Variants in GDA observed in about 807,000 individuals in gnomAD.
The protein encoded by GDA is guanine deaminase, also known as cytoplasmic PSD-95 interactor.
GDA carries 18 observed loss-of-function variants against 59.6 expected under a neutral mutation model. The observed-to-expected ratio is 0.30, with a 90% CI of 0.21 to 0.45. GDA has a LOEUF of 0.45. GDA is among the 20% of genes least tolerant of loss of function. The pLI is 1.00. For missense variants in GDA, 427 were observed against 552.3 expected, an observed-to-expected ratio of 0.77 and a Z score of 2.27; for synonymous variants, 201 against 201.1, an observed-to-expected ratio of 1.00 and a Z score of 0.00.
chr9:72,256,393 A>G (rs1489147424), downstream of GDA, among the ~76,000 whole-genome samples: 2 of 152,208 alleles, frequency 1.3e-5, no homozygotes, highest in African/African-American at 4.8e-5. Flanking sequence ...GGGAGGTGAG[A>G]GGAAACACAT....
Position 72,154,841 on chromosome 9 carries a change from C to T in GDA, c.123+5159C>T, listed in dbSNP as rs148479410. ...ACCTCAAAGAATCTGCACTTTGGCA[C>T]GGGAGCTAAGACTTGTAGCTGTAAT... On this transcript the variant is annotated intron_variant, in intron 1 of 13. Coordinates refer to ENST00000358399, the MANE Select transcript of GDA (RefSeq NM_004293.5). Among the ~76,000 whole-genome samples, 1,444 of 152,232 alleles carry T rather than the reference C, an allele frequency of 9.5e-3. 18 individuals carry two copies. The highest frequency in any genetic ancestry group is 0.012 in the Non-Finnish European group (799 of 68,008).
intron 3 of GDA, among the ~76,000 whole-genome samples, chr9:72,206,342 G>A (rs975595852): frequency 6.6e-6 from 1 of 151,480 alleles, no homozygotes; most frequent in African/African-American, 2.4e-5. Flanking sequence ...TACGTCCTAT[G>A]TTATATCATC....
rs955633328 is a variant in GDA, at chr9:72,243,992, G to A, written c.1136-1156G>A. Among the ~76,000 whole-genome samples the A allele has an allele frequency of 5.3e-5, 8 of 152,084 alleles. 1 individual carries two copies. Among genetic ancestry groups the A allele is most frequent in the Admixed American group, 2.0e-4 (3 of 15,256 alleles). Reference sequence around the variant, plus strand: ...AGATCGAGACCATCCTGGCTAACACGGTGAAACCCCATCTCTACTAAAAAT... The same window carrying A: ...AGATCGAGACCATCCTGGCTAACACAGTGAAACCCCATCTCTACTAAAAAT... On this transcript the variant is annotated intron_variant, in intron 11 of 13. Coordinates refer to ENST00000358399, the MANE Select transcript of GDA (RefSeq NM_004293.5).
At chr9:72,143,774 G>C (rs577397556) in intron 1 of GDA, among the ~76,000 whole-genome samples, 1 of 152,194 alleles carries the variant, frequency 6.6e-6, no homozygotes, top group African/African-American at 2.4e-5. Context: ...ACTATCTTTT[G>C]TCTTTTCTAT....
chr9:72,142,625 C>T (rs1031215196), intron 1 of GDA, among the ~76,000 whole-genome samples: 3 of 151,882 alleles, frequency 2.0e-5, no homozygotes, highest in African/African-American at 7.3e-5. Context: ...TTTCATCTTG[C>T]AGATGAAGAA....
At chr9:72,219,296 G>A (rs1204164837) in intron 5 of GDA, among the ~76,000 whole-genome samples, 183 bp from the exon 6 acceptor site, 1 of 151,922 alleles carries the variant, frequency 6.6e-6, no homozygotes, top group Admixed American at 6.6e-5. Flanking sequence ...CCAGCTACTC[G>A]GGAGGCTGAG....
chr9:72,253,688 C>T (rs1049260579), downstream of GDA: 7 of 152,114 alleles, frequency 4.6e-5, no homozygotes, highest in African/African-American at 1.4e-4. Context: ...TCCTAAAGAT[C>T]AATTTAGTAT....
intron 1 of GDA, among the ~76,000 whole-genome samples, chr9:72,157,405 C>T (rs1172193232): frequency 6.6e-6 from 1 of 152,150 alleles, no homozygotes; most frequent in Non-Finnish European, 1.5e-5. Flanking sequence ...GGGTACTGTT[C>T]ATTGCAGCCC....
intron 1 of GDA, among the ~76,000 whole-genome samples, chr9:72,154,094 T>C (rs1380649511): frequency 6.6e-6 from 1 of 152,208 alleles, no homozygotes; most frequent in Non-Finnish European, 1.5e-5. Context: ...ACAGTAAAGA[T>C]GCATAAACAT....
intron 9 of GDA, 183 bp downstream of exon 9, chr9:72,228,223 T>C: frequency 1.8e-6 from 1 of 564,372 alleles, no homozygotes; most frequent in Non-Finnish European, 3.2e-6. Flanking sequence ...AAGAGGACAT[T>C]TATCTCAGAG....
intron 1 of GDA, among the ~76,000 whole-genome samples, chr9:72,137,934 G>T (rs185049982): frequency 4.6e-5 from 7 of 152,270 alleles, no homozygotes; most frequent in African/African-American, 1.7e-4. Flanking sequence ...GCTTCTGGCC[G>T]AGTTAGGTCA....
intron 1 of GDA, among the ~76,000 whole-genome samples, chr9:72,171,639 T>TCCACC (rs1829990400): frequency 1.3e-5 from 2 of 152,096 alleles, no homozygotes. Context: ...TGTTCACGGC[T>TCCACC]CCCATTTCAG....
At chr9:72,157,674 A>C (rs1043034647) in intron 1 of GDA, among the ~76,000 whole-genome samples, 7 of 152,320 alleles carry the variant, frequency 4.6e-5, no homozygotes, top group Middle Eastern at 3.4e-3. Flanking sequence ...CACATTACTG[A>C]AAACTCTTTT....
intron 7 of GDA, among the ~76,000 whole-genome samples, chr9:72,224,043 A>G (rs988951369): frequency 6.6e-6 from 1 of 152,156 alleles, no homozygotes; most frequent in Non-Finnish European, 1.5e-5. Flanking sequence ...ATAATTTTTG[A>G]ATTTTTAATT....
chr9:72,235,284 T>C (rs1342124297), intron 10 of GDA, among the ~76,000 whole-genome samples: 2 of 152,216 alleles, frequency 1.3e-5, no homozygotes, highest in African/African-American at 4.8e-5. Context: ...ATGGCACTTA[T>C]TTTAAAAACT....
chr9:72,127,471 T>C (rs1825886604), intron 1 of GDA, among the ~76,000 whole-genome samples: 1 of 151,938 alleles, frequency 6.6e-6, no homozygotes, highest in African/African-American at 2.4e-5. Flanking sequence ...ACCCTGTCTC[T>C]ACTAAAAAGA....
chr9:72,231,556 C>G (rs1441182380), intron 10 of GDA, among the ~76,000 whole-genome samples: 6 of 149,718 alleles, frequency 4.0e-5, no homozygotes, highest in Non-Finnish European at 3.0e-5. Context: ...CAGAGCGAGA[C>G]TCTGTCTCAA....
rs55634274 is a variant in GDA at position 72,195,337 on chromosome 9, C to CTTTT, written c.124-148_124-145dup. ...TGGATGACCAAAAGCAAACACCTGTCTTTTTTTTTTTTTTTTTTGCCTCTA... is the reference window on the plus strand; with the variant it reads ...TGGATGACCAAAAGCAAACACCTGTCTTTTTTTTTTTTTTTTTTTTTTGCCTCTA... On this transcript the variant is annotated intron_variant, in intron 1 of 13. Coordinates refer to ENST00000358399, the MANE Select transcript of GDA (RefSeq NM_004293.5). 6.4e-4 allele frequency among the ~76,000 whole-genome samples: 76 copies of CTTTT among 119,562 alleles called. 3 individuals are homozygous for CTTTT. The highest frequency in any genetic ancestry group is 1.1e-3 in the African/African-American group (34 of 32,212). 78.4% of individuals were successfully genotyped at this position (119,562 alleles called of 152,430 possible). A position where few individuals can be genotyped will look rare whatever the true frequency, so the allele number is the denominator to read the frequency against.
intron 1 of GDA, among the ~76,000 whole-genome samples, chr9:72,183,561 G>C (rs1411749036): frequency 6.6e-6 from 1 of 152,194 alleles, no homozygotes; most frequent in African/African-American, 2.4e-5. Context: ...AATACATAAC[G>C]TAGTGTCTAA....
Sources: allele counts gnomAD v4.1 joint callset (sites outside exome capture counted in the v4.1 genomes callset), GRCh38; gene constraint gnomAD v4.1.1; transcripts MANE v1.5; gene names NCBI Gene and HGNC (gene_info 2026-07-23, HGNC 2026-07-21).